RAD18: variants seen among roughly 807,000 people sequenced by gnomAD.
RAD18 encodes the protein RAD18 E3 ubiquitin protein ligase, also known as E3 ubiquitin-protein ligase RAD18.
Under a neutral mutation model 60.4 loss-of-function variants are expected in RAD18, and 47 were observed. The observed-to-expected ratio is 0.78, with a 90% confidence interval of 0.62 to 0.99. The LOEUF (loss-of-function observed/expected upper bound fraction) is 0.99. RAD18 is among the 50% of genes least tolerant of loss of function. The pLI, the probability that RAD18 is intolerant of heterozygous loss-of-function variation, is 0.00. For missense variants in RAD18, 640 were observed against 593.3 expected, an observed-to-expected ratio of 1.08 and a Z score of -0.82; for synonymous variants, 225 against 195.5, an observed-to-expected ratio of 1.15 and a Z score of -1.26.
intron 12 of RAD18, among the ~76,000 whole-genome samples, chr3:8,889,540 T>C (rs978993309): frequency 2.0e-5 from 3 of 152,124 alleles, no homozygotes; most frequent in Admixed American, 6.5e-5. Context: ...GAGGACTGGA[T>C]CCAGGAAGAA....
intron 9 of RAD18, among the ~76,000 whole-genome samples, chr3:8,908,946 G>A (rs1477799663): frequency 1.3e-5 from 2 of 152,084 alleles, no homozygotes; most frequent in African/African-American, 4.8e-5. Flanking sequence ...ATAGTACTAC[G>A]AAAAAACACA....
At chr3:8,897,297 A>G (rs1939803600) in intron 11 of RAD18, among the ~76,000 whole-genome samples, 1 of 152,200 alleles carries the variant, frequency 6.6e-6, no homozygotes, top group Non-Finnish European at 1.5e-5. Context: ...GGATAATAGA[A>G]ATCGCTTACA....
chr3:8,936,444 A>G (rs751562912), intron 6 of RAD18, among the ~76,000 whole-genome samples: 6 of 152,232 alleles, frequency 3.9e-5, no homozygotes, highest in Non-Finnish European at 7.3e-5. Flanking sequence ...TAGAAATTCT[A>G]GTGGGCTAAA....
intron 3 of RAD18, 40 bp from the exon 4 acceptor site, chr3:8,947,330 A>G: frequency 6.8e-7 from 1 of 1,459,878 alleles, no homozygotes; most frequent in Non-Finnish European, 9.6e-7. Context: ...GGTCAAAAAC[A>G]ATAATCAACT....
At chr3:8,940,483 C>T (rs1198202553) in intron 5 of RAD18, among the ~76,000 whole-genome samples, 5 of 152,048 alleles carry the variant, frequency 3.3e-5, no homozygotes, top group Admixed American at 1.3e-4. Flanking sequence ...GATGTAAACA[C>T]GTTAAGTACT....
intron 8 of RAD18, 39 bp downstream of exon 8, chr3:8,913,605 T>C (rs756662697): frequency 1.4e-6 from 2 of 1,382,220 alleles, no homozygotes; most frequent in Non-Finnish European, 1.9e-6. Flanking sequence ...TAAACTTTCT[T>C]CATTTCTATC....
At position 8,922,391 on chromosome 3, in the gene RAD18, G is replaced by C. The variant is rs548410968; in HGVS notation, c.890-8671C>G. On this transcript the variant is annotated intron_variant, in intron 7 of 12. Coordinates refer to ENST00000264926, the MANE Select transcript of RAD18 (RefSeq NM_020165.4). Reference sequence around the variant, plus strand: ...GCAAGGTGGCAGTGAGGCTGGGGGAGGGGTGCCTGCCATTGCTGGAGGCTG... The same window carrying C: ...GCAAGGTGGCAGTGAGGCTGGGGGACGGGTGCCTGCCATTGCTGGAGGCTG... Among the ~76,000 whole-genome samples, 14 of 152,348 alleles carry C rather than the reference G, an allele frequency of 9.2e-5. No individual in the cohort carries two copies. The South Asian group carries it at 2.7e-3, about 29-fold the overall frequency.
At chr3:8,934,230 AGGCT>A (rs45538534) in intron 7 of RAD18, among the ~76,000 whole-genome samples, 3,084 of 152,328 alleles carry the variant, frequency 0.02, 93 homozygotes, top group African/African-American at 0.07. Flanking sequence ...ATCTTGAAGT[AGGCT>A]AAGGCAAAGC....
At chr3:8,958,366 T>G (rs944902408) in intron 2 of RAD18, among the ~76,000 whole-genome samples, 4 of 152,204 alleles carry the variant, frequency 2.6e-5, no homozygotes. Flanking sequence ...ATGCACTAAA[T>G]ATCTTAAGGT....
intron 11 of RAD18, among the ~76,000 whole-genome samples, chr3:8,895,617 G>T (rs1939769855): frequency 6.7e-6 from 1 of 150,062 alleles, no homozygotes; most frequent in Non-Finnish European, 1.5e-5. Flanking sequence ...AAAGAGTAAG[G>T]TTTAAACAGT....
In RAD18 at chr3:8,897,045, G is replaced by A. The variant is rs45505191; in HGVS notation, c.1322+1849C>T. On this transcript the variant is annotated intron_variant, in intron 11 of 12. Transcript: ENST00000264926. ...AAGTTCAAAAAAGAATTAAACATTT[G>A]TGCTTACATTTAACTTACAAGCTTA... Among the ~76,000 whole-genome samples, 53 of 152,232 alleles carry A rather than the reference G, an allele frequency of 3.5e-4. 1 individual carries two copies. In the East Asian group the frequency reaches 7.5e-3, roughly 22 times the overall value.
At chr3:8,923,274 C>T (rs1940363601) in intron 7 of RAD18, among the ~76,000 whole-genome samples, 1 of 152,158 alleles carries the variant, frequency 6.6e-6, no homozygotes, top group South Asian at 2.1e-4. Flanking sequence ...AATGCACAAG[C>T]CTCAGTAGCC....
intron 9 of RAD18, among the ~76,000 whole-genome samples, chr3:8,908,975 T>C (rs1033313325): frequency 2.0e-5 from 3 of 152,138 alleles, no homozygotes; most frequent in African/African-American, 4.8e-5. Context: ...TAAGTGCACA[T>C]AGAAAGAAAA....
intron 7 of RAD18, among the ~76,000 whole-genome samples, chr3:8,933,063 T>C (rs1412700100): frequency 6.6e-6 from 1 of 151,736 alleles, no homozygotes; most frequent in African/African-American, 2.4e-5. Context: ...GCCATTGCAC[T>C]CCAGCCTGGC....
At chr3:8,921,795 G>C (rs1205284939) in intron 7 of RAD18, among the ~76,000 whole-genome samples, 2 of 152,188 alleles carry the variant, frequency 1.3e-5, no homozygotes, top group African/African-American at 2.4e-5. Context: ...GCTGAAAATG[G>C]TAAATGTGTA....
chr3:8,939,568 C>T lies in RAD18; in HGVS notation c.690G>A (p.Lys230=). The part of the protein sequence containing the change: ...LDSCLSREEK[K]ESLRSSVHKR... ...AACTTCCTTACCTTCTGAGGCTTTCCTTCTTCTCTTCGCGTGATAAACAGC... is the reference window on the plus strand; with the variant it reads ...AACTTCCTTACCTTCTGAGGCTTTCTTTCTTCTCTTCGCGTGATAAACAGC... Residue 230 remains lysine, a synonymous_variant, in exon 6 of 13, where the codon AAG becomes AAA. Transcript: ENST00000264926. 1 of 1,612,338 alleles carries T rather than the reference C, an allele frequency of 6.2e-7. No individual in the cohort carries two copies. Among genetic ancestry groups the T allele is most frequent in the Non-Finnish European group, 8.5e-7 (1 of 1,178,744 alleles).
At chr3:8,904,667 T>C (rs981840909) in intron 9 of RAD18, among the ~76,000 whole-genome samples, 1 of 152,200 alleles carries the variant, frequency 6.6e-6, no homozygotes, top group Non-Finnish European at 1.5e-5. Context: ...GATAATTATC[T>C]TGTATTTCTC....
intron 6 of RAD18, among the ~76,000 whole-genome samples, chr3:8,938,059 T>C (rs1940683203): frequency 6.6e-6 from 1 of 152,200 alleles, no homozygotes; most frequent in African/African-American, 2.4e-5. Flanking sequence ...TCAGCTTCTA[T>C]ATTCCCAACT....
At chr3:8,945,431 C>T (rs1940822836) in intron 4 of RAD18, among the ~76,000 whole-genome samples, 1 of 150,202 alleles carries the variant, frequency 6.7e-6, no homozygotes, top group East Asian at 1.9e-4. Flanking sequence ...AATCCTAACC[C>T]TGTGTGGGCC....
Sources: gnomAD v4.1 joint callset for allele counts (sites outside exome capture counted in the v4.1 genomes callset) on GRCh38, gnomAD v4.1.1 for gene constraint, MANE v1.5 for transcripts, NCBI Gene and HGNC (gene_info 2026-07-23, HGNC 2026-07-21) for gene names.